CTNND2: variants seen among roughly 807,000 people sequenced by gnomAD.
CTNND2 encodes the protein catenin delta 2.
CTNND2 carries 22 observed loss-of-function variants against 144.4 expected under a neutral mutation model. That is an observed-to-expected ratio of 0.15 (90% CI 0.11 to 0.22). CTNND2 has a LOEUF of 0.22. Among genes scored for constraint, CTNND2 ranks in the 10% least tolerant of loss-of-function variants. The pLI is 1.00. For missense variants in CTNND2, 1,353 were observed against 1,618.8 expected (o/e 0.84, Z 2.82); for synonymous variants, 751 against 695.6 (o/e 1.08, Z -1.25).
At chr5:11,791,548 C>T (rs962901372) in intron 1 of CTNND2, among the ~76,000 whole-genome samples, 8 of 152,184 alleles carry the variant, frequency 5.3e-5, no homozygotes, top group Non-Finnish European at 7.3e-5. Flanking sequence ...GCATCAGATG[C>T]TCATCAATCC....
chr5:11,227,564 G>A (rs1267959847), intron 10 of CTNND2, among the ~76,000 whole-genome samples: 1 of 152,112 alleles, frequency 6.6e-6, no homozygotes, highest in Non-Finnish European at 1.5e-5. Context: ...ACATTCCCTC[G>A]AACTATATGA....
chr5:11,129,080 AATAT>A lies in CTNND2; in HGVS notation c.2160-11517_2160-11514del, dbSNP rs368649124. On this transcript the variant is annotated intron_variant, in intron 12 of 21. Transcript: ENST00000304623. ...AAATATATATTTTATATATAAATAA[AATAT>A]ATATATTATATATAAATAAAATATA... Among the ~76,000 whole-genome samples the A allele has an allele frequency of 2.9e-3, 70 of 24,106 alleles. 3 individuals are homozygous for A. The highest frequency in any genetic ancestry group is 5.7e-3 in the African/African-American group (59 of 10,398). 15.8% of individuals were successfully genotyped at this position (24,106 alleles called of 152,430 possible).
chr5:11,455,988 A>T (rs1292758304), intron 3 of CTNND2, among the ~76,000 whole-genome samples: 2 of 152,190 alleles, frequency 1.3e-5, no homozygotes, highest in East Asian at 3.8e-4. Flanking sequence ...GACATCTTTC[A>T]TATGCCATGA....
chr5:11,016,566 G>C (rs998450525), intron 18 of CTNND2, among the ~76,000 whole-genome samples: 1 of 152,182 alleles, frequency 6.6e-6, no homozygotes, highest in Non-Finnish European at 1.5e-5. Context: ...CTGGGGGATG[G>C]GGGCTATAGA....
intron 1 of CTNND2, among the ~76,000 whole-genome samples, chr5:11,821,811 T>C (rs1290627164): frequency 6.6e-6 from 1 of 152,230 alleles, no homozygotes; most frequent in Non-Finnish European, 1.5e-5. Context: ...TGAGAAAAAC[T>C]AAATCAATTC....
intron 18 of CTNND2, among the ~76,000 whole-genome samples, chr5:11,010,801 G>A (rs574698435): frequency 6.6e-6 from 1 of 152,356 alleles, no homozygotes; most frequent in Non-Finnish European, 1.5e-5. Context: ...AGGCCATGAA[G>A]GGCATGACTC....
At chr5:11,563,544 C>T (rs1014298064) in intron 3 of CTNND2, among the ~76,000 whole-genome samples, 17 of 152,160 alleles carry the variant, frequency 1.1e-4, no homozygotes, top group African/African-American at 4.1e-4. Flanking sequence ...ATCCATCCTG[C>T]TTTGGTTAAT....
At chr5:10,975,346 A>G (rs1736319386) in intron 21 of CTNND2, among the ~76,000 whole-genome samples, 3 of 152,142 alleles carry the variant, frequency 2.0e-5, no homozygotes. Context: ...CACCCTATTC[A>G]ACATTTAGCA....
At chr5:11,162,846 C>T (rs1374641153) in intron 11 of CTNND2, among the ~76,000 whole-genome samples, 2 of 151,506 alleles carry the variant, frequency 1.3e-5, no homozygotes, top group African/African-American at 4.9e-5. Context: ...GGCAGGAGTT[C>T]AAGTGGGAAA....
In CTNND2 at chr5:11,384,509, C is replaced by G. The variant is rs1052586432; in HGVS notation, c.1177+156G>C. On this transcript the variant is annotated intron_variant, in intron 7 of 21. Transcript: ENST00000304623. This position sits in a 1 kb window ranked among gnomAD's most constrained non-coding sequence, Gnocchi z 5.2. ...TGACAAACTGTAGGGAAGATACTGA[C>G]TTGTTCCAGGAAAGCCCTGGCGTTC... 1.5e-6 allele frequency: 1 copy of G among 649,336 alleles called. No homozygotes were observed. Among genetic ancestry groups the G allele is most frequent in the Non-Finnish European group, 2.6e-6 (1 of 383,184 alleles). The allele number at this position is 649,336 out of a possible 1,614,324, so 40.2% of individuals were successfully genotyped here.
chr5:11,584,337 C>T (rs7731344), intron 2 of CTNND2, among the ~76,000 whole-genome samples: 36,665 of 150,614 alleles, frequency 0.24, 4,565 homozygotes, highest in African/African-American at 0.3. Flanking sequence ...CTCTAATAAT[C>T]GTTTTGCCTT....
At chr5:11,114,529 A>G (rs1225909281) in intron 13 of CTNND2, among the ~76,000 whole-genome samples, 1 of 152,172 alleles carries the variant, frequency 6.6e-6, no homozygotes, top group Non-Finnish European at 1.5e-5. Flanking sequence ...AAGAGAAGAC[A>G]AAAGACTTGG....
At chr5:11,721,221 C>T (rs952197019) in intron 2 of CTNND2, among the ~76,000 whole-genome samples, 1 of 152,096 alleles carries the variant, frequency 6.6e-6, no homozygotes, top group South Asian at 2.1e-4. Context: ...TAGAAAAGAC[C>T]ATATATTTAT....
chr5:11,112,264 C>T (rs199956714), intron 13 of CTNND2, among the ~76,000 whole-genome samples: 2 of 152,068 alleles, frequency 1.3e-5, no homozygotes, highest in Non-Finnish European at 2.9e-5. Context: ...CTGGATTGTT[C>T]GGGTGGGCCT....
intron 16 of CTNND2, among the ~76,000 whole-genome samples, chr5:11,045,583 G>A (rs1214045439): frequency 2.6e-5 from 4 of 152,176 alleles, no homozygotes; most frequent in East Asian, 1.9e-4. Context: ...AGGCTGCATC[G>A]CTCCCATCTC....
intron 1 of CTNND2, among the ~76,000 whole-genome samples, chr5:11,854,103 C>G (rs1346641794): frequency 6.6e-6 from 1 of 152,188 alleles, no homozygotes; most frequent in Non-Finnish European, 1.5e-5. Flanking sequence ...CCACACCGTC[C>G]TCCTTGTTGT....
At chr5:11,612,441 G>T (rs1780377643) in intron 2 of CTNND2, among the ~76,000 whole-genome samples, 1 of 152,080 alleles carries the variant, frequency 6.6e-6, no homozygotes, top group African/African-American at 2.4e-5. Context: ...GCAGATTTAT[G>T]CTAAGATACA....
intron 11 of CTNND2, among the ~76,000 whole-genome samples, chr5:11,196,856 G>T (rs914026526): frequency 2.0e-5 from 3 of 152,224 alleles, no homozygotes; most frequent in African/African-American, 7.2e-5. Flanking sequence ...GGCATCCAAG[G>T]CTTGGTCAAC....
chr5:11,711,545 T>C (rs1581758194), intron 2 of CTNND2, among the ~76,000 whole-genome samples: 1 of 152,226 alleles, frequency 6.6e-6, no homozygotes, highest in East Asian at 1.9e-4. Context: ...TAATAGCTAA[T>C]GGTTATTTTG....
Sources: gnomAD v4.1 joint callset for allele counts (sites outside exome capture counted in the v4.1 genomes callset) on GRCh38, gnomAD v4.1.1 for gene constraint, Gnocchi (gnomAD v3.1) non-coding constraint, MANE v1.5 for transcripts, NCBI Gene and HGNC (gene_info 2026-07-23, HGNC 2026-07-21) for gene names.